The following SAE1 variants were observed in gnomAD, a reference collection of about 807,000 sequenced individuals.
The protein encoded by SAE1 is SUMO1 activating enzyme subunit 1, also known as SUMO-activating enzyme subunit 1.
In SAE1, 11 loss-of-function variants were observed where a neutral mutation model predicts 40.6. The ratio of observed to expected loss-of-function variants is 0.27; its 90% CI spans 0.17 to 0.45. The LOEUF (loss-of-function observed/expected upper bound fraction) is 0.45. SAE1 is among the 20% of genes least tolerant of loss of function. The pLI is 1.00. For missense variants in SAE1, 373 were observed against 427.3 expected (o/e 0.87, Z 1.12); for synonymous variants, 155 against 154.3 (o/e 1.00, Z -0.03).
intron 1 of SAE1, chr19:47,131,253 A>G (rs1457745438): frequency 8.4e-7 from 1 of 1,188,812 alleles, no homozygotes; most frequent in Non-Finnish European, 1.1e-6. Context: ...GGGAGCTCTG[A>G]AGGGGGCGTT....
chr19:47,194,979 G>A (rs1478254411), intron 6 of SAE1, among the ~76,000 whole-genome samples: 1 of 145,972 alleles, frequency 6.9e-6, no homozygotes, highest in Non-Finnish European at 1.5e-5. Flanking sequence ...TTCTGACCTC[G>A]TGATCTGCCT....
At position 47,130,837 on chromosome 19, in the gene SAE1, T is replaced by G; in HGVS notation, c.-94T>G. ...AGGGTCTGCGCATGCGCAGAAGCACTCCGGGCGTGCTGCCGGCGGCGGTAG... is the reference window on the plus strand; with the variant it reads ...AGGGTCTGCGCATGCGCAGAAGCACGCCGGGCGTGCTGCCGGCGGCGGTAG... On this transcript the variant is annotated 5_prime_UTR_variant, in exon 1 of 9. Coordinates refer to ENST00000270225, the MANE Select transcript of SAE1 (RefSeq NM_005500.3). 6.5e-7 allele frequency: 1 copy of G among 1,537,542 alleles called. No individual in the cohort carries two copies. Among genetic ancestry groups the G allele is most frequent in the Non-Finnish European group, 8.8e-7 (1 of 1,141,736 alleles).
chr19:47,190,019 A>G (rs1034866507), intron 6 of SAE1, among the ~76,000 whole-genome samples: 2 of 152,202 alleles, frequency 1.3e-5, no homozygotes, highest in African/African-American at 2.4e-5. Context: ...TCTATAAATA[A>G]CGTGAAACCG....
In SAE1 at chr19:47,209,162, C is replaced by G; in HGVS notation, c.952C>G (p.Leu318Val). 1 of 1,613,982 alleles carries G rather than the reference C, an allele frequency of 6.2e-7. No homozygotes were observed. Among genetic ancestry groups the G allele is most frequent in the South Asian group, 1.1e-5 (1 of 91,070 alleles). The change falls in exon 9 of 9, where the codon CTG (leucine) becomes GTG (valine). Residue 318 changes from leucine to valine, a missense_variant. Leu to Val is a conservative substitution (Grantham distance 32). This residue lies in a region of SAE1 where 351 missense variants were observed against 390.6 expected (regional missense o/e 0.90). Transcript: ENST00000270225. Reference sequence around the variant, plus strand: ...CTCTTTTCATTTTTCTCCCCAGGCCCTGTCTCAGCGGGACCCTCCTCACAA... The same window carrying G: ...CTCTTTTCATTTTTCTCCCCAGGCCGTGTCTCAGCGGGACCCTCCTCACAA... ...GILAQEIVKALSQRDPPHNNF... is the reference protein window; with the variant it reads ...GILAQEIVKAVSQRDPPHNNF...
chr19:47,164,243 A>C (rs2058376219), intron 5 of SAE1, among the ~76,000 whole-genome samples: 1 of 151,744 alleles, frequency 6.6e-6, no homozygotes, highest in South Asian at 2.1e-4. Flanking sequence ...ATCTCGGCTC[A>C]CTGCAAGCTC....
At chr19:47,203,062 G>A (rs2058664339) in intron 7 of SAE1, among the ~76,000 whole-genome samples, 1 of 152,152 alleles carries the variant, frequency 6.6e-6, no homozygotes, top group South Asian at 2.1e-4. Context: ...ACTTCCTTTG[G>A]GGAAGTGGTG....
At chr19:47,165,927 A>G (rs1005040526) in intron 5 of SAE1, among the ~76,000 whole-genome samples, 1 of 152,192 alleles carries the variant, frequency 6.6e-6, no homozygotes. Context: ...GCATCTCTGC[A>G]TTCCAACTTT....
intron 6 of SAE1, among the ~76,000 whole-genome samples, chr19:47,193,492 T>C (rs952779843): frequency 6.6e-6 from 1 of 151,938 alleles, no homozygotes; most frequent in Non-Finnish European, 1.5e-5. Context: ...CAATGGGTGT[T>C]CTGGAGCTTT....
chr19:47,204,878 C>T (rs998177635), intron 8 of SAE1, among the ~76,000 whole-genome samples: 2 of 152,090 alleles, frequency 1.3e-5, no homozygotes, highest in African/African-American at 4.8e-5. Flanking sequence ...CCAGGAGCCC[C>T]TCAAGGCTCT....
At chr19:47,136,297 C>A (rs2058179567) in intron 1 of SAE1, among the ~76,000 whole-genome samples, 2 of 151,886 alleles carry the variant, frequency 1.3e-5, no homozygotes, top group Non-Finnish European at 2.9e-5. Flanking sequence ...TGCCACCACG[C>A]CCGGCTAATC....
At chr19:47,140,533 C>A (rs368282308) in intron 1 of SAE1, among the ~76,000 whole-genome samples, 2 of 151,844 alleles carry the variant, frequency 1.3e-5, no homozygotes, top group East Asian at 3.9e-4. Flanking sequence ...ATTTGTAAAC[C>A]CAGCACTTTG....
At chr19:47,201,050 A>AT (rs935902061) in intron 7 of SAE1, among the ~76,000 whole-genome samples, 33 of 143,202 alleles carry the variant, frequency 2.3e-4, no homozygotes, top group African/African-American at 4.9e-4. Context: ...TATTTTTTTT[A>AT]TTTTTTTTTG....
chr19:47,168,766 A>G (rs1433871685), intron 5 of SAE1, among the ~76,000 whole-genome samples: 2 of 151,924 alleles, frequency 1.3e-5, no homozygotes, highest in Non-Finnish European at 2.9e-5. Context: ...ACCACGTCCA[A>G]CTAATTTTTG....
intron 2 of SAE1, among the ~76,000 whole-genome samples, chr19:47,146,794 A>T (rs575444056): frequency 4.6e-5 from 7 of 152,130 alleles, no homozygotes; most frequent in Non-Finnish European, 1.0e-4. Flanking sequence ...AATAGCAAGG[A>T]TATGAAGATG....
Position 47,153,737 on chromosome 19 carries a change from ACT to A in SAE1, c.527+700_527+701del, listed in dbSNP as rs2058302480. Among the ~76,000 whole-genome samples the A allele has an allele frequency of 1.3e-5, 2 of 151,686 alleles. 1 individual carries two copies. The highest frequency in any genetic ancestry group is 1.3e-4 in the Admixed American group (2 of 15,222). ...ACAGTCATGTTCCAGACATCTCCTA[ACT>A]CTAGTGTTTTATGGCTTTAGGATAA... On this transcript the variant is annotated intron_variant, in intron 4 of 8. Transcript: ENST00000270225.
intron 1 of SAE1, among the ~76,000 whole-genome samples, chr19:47,139,142 G>A (rs2058201091): frequency 6.6e-6 from 1 of 151,972 alleles, no homozygotes; most frequent in East Asian, 1.9e-4. Flanking sequence ...AGTAGAGATG[G>A]AGTTTCACCA....
intron 5 of SAE1, among the ~76,000 whole-genome samples, chr19:47,161,425 T>C (rs1002906727): frequency 1.3e-5 from 2 of 152,192 alleles, no homozygotes; most frequent in Middle Eastern, 3.2e-3. Flanking sequence ...TTTGGTACTT[T>C]TGTACCAATC....
rs183569088 is a variant in SAE1 at position 47,185,454 on chromosome 19, G to A, written c.734-11779G>A. Among the ~76,000 whole-genome samples, 14 of 151,696 alleles carry A rather than the reference G, an allele frequency of 9.2e-5. 1 individual carries two copies. In the South Asian group the frequency reaches 1.9e-3, roughly 20 times the overall value. ...CAAGTAGCTGGGATTACAGGTGCCCGCCACCATGCCTGGCTAATTTTTTGT... is the reference window on the plus strand; with the variant it reads ...CAAGTAGCTGGGATTACAGGTGCCCACCACCATGCCTGGCTAATTTTTTGT... On this transcript the variant is annotated intron_variant, in intron 6 of 8. Coordinates refer to ENST00000270225, the MANE Select transcript of SAE1 (RefSeq NM_005500.3).
chr19:47,205,793 T>A (rs2058683720), intron 8 of SAE1, among the ~76,000 whole-genome samples: 1 of 152,186 alleles, frequency 6.6e-6, no homozygotes, highest in Non-Finnish European at 1.5e-5. Context: ...ACTCCTGTGA[T>A]CCCTGGTTTA....
Sources: allele counts gnomAD v4.1 joint callset (sites outside exome capture counted in the v4.1 genomes callset), GRCh38; gene constraint gnomAD v4.1.1; regional missense constraint gnomAD v4.1.1; transcripts MANE v1.5; gene names NCBI Gene and HGNC (gene_info 2026-07-23, HGNC 2026-07-21).